The following PCDHGA4 variants were observed in gnomAD, a reference collection of about 807,000 sequenced individuals.
The protein encoded by PCDHGA4 is protocadherin gamma-A4.
Under a neutral mutation model 54.6 loss-of-function variants are expected in PCDHGA4, and 38 were observed. The ratio of observed to expected loss-of-function variants is 0.70; its 90% confidence interval spans 0.54 to 0.91. PCDHGA4 has a LOEUF of 0.91. PCDHGA4 is among the 40% of genes least tolerant of loss of function. The probability of loss-of-function intolerance (pLI) is 0.00; values close to 1 mark genes in which losing one functional copy is unlikely to be tolerated. For missense variants in PCDHGA4, 1,298 were observed against 1,220.9 expected (o/e 1.06, Z -0.94); for synonymous variants, 511 against 512.9 (o/e 1.00, Z 0.05).
At position 141,389,844 on chromosome 5, in the gene PCDHGA4, G is replaced by A. The variant is rs558691778; in HGVS notation, c.2514+32223G>A. 80 of 1,614,014 alleles carry A rather than the reference G, an allele frequency of 5.0e-5. No homozygotes were observed. The Admixed American group carries it at 1.3e-3, about 27-fold the overall frequency. On this transcript the variant is annotated intron_variant, in intron 1 of 3. Coordinates refer to ENST00000571252, the MANE Select transcript of PCDHGA4 (RefSeq NM_018917.4). ...TGACGGTGGACAGCCACCACTCTCGGCCACTGCCACGTTGCACCTGGTCTT... is the reference window on the plus strand; with the variant it reads ...TGACGGTGGACAGCCACCACTCTCGACCACTGCCACGTTGCACCTGGTCTT...
intron 1 of PCDHGA4, chr5:141,398,713 C>G (rs772426523): frequency 6.2e-7 from 1 of 1,613,828 alleles, no homozygotes; most frequent in Non-Finnish European, 8.5e-7. Context: ...GGAACTGGCA[C>G]TGGAGAAAAC....
intron 1 of PCDHGA4, chr5:141,478,291 C>T: frequency 1.9e-6 from 3 of 1,614,144 alleles, no homozygotes; most frequent in East Asian, 2.2e-5. Context: ...AGTCTAGAGA[C>T]CTATACCGAG....
chr5:141,367,878 CTTT>C (rs1165351222), intron 1 of PCDHGA4: 2 of 151,946 alleles, frequency 1.3e-5, no homozygotes, highest in South Asian at 2.1e-4. Flanking sequence ...TGCAATTCTT[CTTT>C]ATTACTTGAG....
At position 141,472,488 on chromosome 5, in the gene PCDHGA4, C is replaced by T. The variant is rs183545662; in HGVS notation, c.2515-22319C>T. 4.0e-3 allele frequency among the ~76,000 whole-genome samples: 607 copies of T among 151,768 alleles called. 6 individuals carry two copies. The highest frequency in any genetic ancestry group is 0.011 in the Admixed American group (174 of 15,254). On this transcript the variant is annotated intron_variant, in intron 1 of 3. Coordinates refer to ENST00000571252, the MANE Select transcript of PCDHGA4 (RefSeq NM_018917.4). Reference sequence around the variant, plus strand: ...CCAGAAGGCAGAGCTTGCAGTGAGACGAGATCGTGCCACTGCACTCCAGCC... The same window carrying T: ...CCAGAAGGCAGAGCTTGCAGTGAGATGAGATCGTGCCACTGCACTCCAGCC...
intron 1 of PCDHGA4, chr5:141,478,043 A>G (rs1399496347): frequency 7.4e-6 from 12 of 1,613,710 alleles, no homozygotes; most frequent in Non-Finnish European, 1.0e-5. Flanking sequence ...ACCCAGGCAG[A>G]CTCTCACGGT....
chr5:141,478,290 A>G, intron 1 of PCDHGA4: 1 of 1,614,056 alleles, frequency 6.2e-7, no homozygotes, highest in South Asian at 1.1e-5. Flanking sequence ...CAGTCTAGAG[A>G]CCTATACCGA....
At chr5:141,377,620 ATT>A (rs1307213511) in intron 1 of PCDHGA4, 1 of 149,664 alleles carries the variant, frequency 6.7e-6, no homozygotes, top group Non-Finnish European at 1.5e-5. Context: ...AAAAAAAAAG[ATT>A]TTGTTTTTTC....
At chr5:141,480,295 G>A (rs1190133739) in intron 1 of PCDHGA4, among the ~76,000 whole-genome samples, 2 of 133,330 alleles carry the variant, frequency 1.5e-5, no homozygotes, top group Admixed American at 7.4e-5. Context: ...TGCACCTGTG[G>A]TACCAGCTAC....
At chr5:141,462,036 G>T (rs760555655) in intron 1 of PCDHGA4, among the ~76,000 whole-genome samples, 6 of 151,978 alleles carry the variant, frequency 3.9e-5, no homozygotes, top group Non-Finnish European at 8.8e-5. Flanking sequence ...TTGGTCAGGC[G>T]GGTCTTGAAC....
rs577770679 is a variant in PCDHGA4, at chr5:141,458,782, G to A, written c.2515-36025G>A. Reference sequence around the variant, plus strand: ...GGGTCTTGCTGTGTCACACAGGCTGGAGTGCAGTGGTGTGATCTCAGCTCA... The same window carrying A: ...GGGTCTTGCTGTGTCACACAGGCTGAAGTGCAGTGGTGTGATCTCAGCTCA... On this transcript the variant is annotated intron_variant, in intron 1 of 3. Coordinates refer to ENST00000571252, the MANE Select transcript of PCDHGA4 (RefSeq NM_018917.4). 3.3e-5 allele frequency among the ~76,000 whole-genome samples: 5 copies of A among 152,020 alleles called. No homozygotes were observed. In the East Asian group the frequency reaches 9.7e-4, roughly 30 times the overall value.
At chr5:141,412,981 G>C (rs1309699690) in intron 1 of PCDHGA4, 2 of 546,326 alleles carry the variant, frequency 3.7e-6, no homozygotes, top group Non-Finnish European at 3.1e-6. Context: ...AACGCAGCCA[G>C]AGCTCAATCC....
At chr5:141,399,641 C>G in intron 1 of PCDHGA4, 1 of 1,613,852 alleles carries the variant, frequency 6.2e-7, no homozygotes, top group Non-Finnish European at 8.5e-7. Context: ...TCCATGAGCG[C>G]GCAAAGTGGG....
intron 1 of PCDHGA4, among the ~76,000 whole-genome samples, chr5:141,467,702 C>T (rs2099149453): frequency 6.6e-6 from 1 of 152,086 alleles, no homozygotes; most frequent in South Asian, 2.1e-4. Context: ...GGCTCTGTTG[C>T]CCAGGCTGGA....
chr5:141,451,069 C>G (rs2098705799), intron 1 of PCDHGA4, among the ~76,000 whole-genome samples: 1 of 151,836 alleles, frequency 6.6e-6, no homozygotes, highest in Non-Finnish European at 1.5e-5. Flanking sequence ...ACCTTGTGAT[C>G]CACCCACCTT....
rs2099695548 is a variant in PCDHGA4, at chr5:141,490,059, C to T, written c.2515-4748C>T. On this transcript the variant is annotated intron_variant, in intron 1 of 3. Coordinates refer to ENST00000571252, the MANE Select transcript of PCDHGA4 (RefSeq NM_018917.4). The surrounding 1 kb of genome is among the most constrained non-coding windows in gnomAD (Gnocchi z 5.4). ...ATGCCACTGATCCAGACGAGGGCAC[C>T]AACGGCCAACTAGACTATTCTTTTG... 1.2e-6 allele frequency: 2 copies of T among 1,614,242 alleles called. No individual in the cohort carries two copies. The highest frequency in any genetic ancestry group is 1.7e-6 in the Non-Finnish European group (2 of 1,180,030).
chr5:141,501,666 T>C (rs2099810374), intron 2 of PCDHGA4, among the ~76,000 whole-genome samples: 1 of 152,142 alleles, frequency 6.6e-6, no homozygotes. Context: ...TTGGAAAATA[T>C]AGATAATCAC....
intron 1 of PCDHGA4, chr5:141,413,874 T>C: frequency 6.2e-7 from 1 of 1,613,424 alleles, no homozygotes; most frequent in Non-Finnish European, 8.5e-7. Context: ...TCCTTGTCAG[T>C]GTGACTGTCT....
chr5:141,367,606 T>A (rs1765261229), intron 1 of PCDHGA4: 1 of 152,056 alleles, frequency 6.6e-6, no homozygotes, highest in African/African-American at 2.4e-5. Context: ...ATATTAATGA[T>A]AACATGTAGC....
intron 1 of PCDHGA4, chr5:141,423,913 C>T: frequency 7.9e-7 from 1 of 1,269,552 alleles, no homozygotes; most frequent in Non-Finnish European, 1.0e-6. Context: ...AGGGGCCATT[C>T]AACTATGCTG....
Sources: allele counts gnomAD v4.1 joint callset (sites outside exome capture counted in the v4.1 genomes callset), GRCh38; gene constraint gnomAD v4.1.1; non-coding constraint Gnocchi (gnomAD v3.1); transcripts MANE v1.5; gene names NCBI Gene and HGNC (gene_info 2026-07-23, HGNC 2026-07-21).